ARB2A: variants seen among roughly 807,000 people sequenced by gnomAD.
ARB2A encodes cotranscriptional regulator ARB2A.
At chr5:94,002,449 GT>G in the ARB2A span, among the ~76,000 whole-genome samples, 30 of 145,686 alleles carry the variant, frequency 2.1e-4, no homozygotes, top group Admixed American at 6.9e-4. Context: ...TATAGTTCAG[GT>G]TTTTTTTTTT....
the ARB2A span, among the ~76,000 whole-genome samples, chr5:93,676,719 A>C: frequency 1.3e-5 from 2 of 152,190 alleles, no homozygotes; most frequent in Admixed American, 6.5e-5. Flanking sequence ...ATTCTAATAT[A>C]ATTCTTAAAA....
chr5:93,925,127 T>C, the ARB2A span, among the ~76,000 whole-genome samples: 11 of 152,158 alleles, frequency 7.2e-5, no homozygotes, highest in East Asian at 1.9e-4. Context: ...ACAGTTTAAA[T>C]TGTTATAAAA....
chr5:94,079,513 A>T, the ARB2A span, among the ~76,000 whole-genome samples: 1 of 152,178 alleles, frequency 6.6e-6, no homozygotes, highest in Non-Finnish European at 1.5e-5. Flanking sequence ...CTGACTCCTA[A>T]TTATGAATGA....
At chr5:93,681,243 G>T in the ARB2A span, among the ~76,000 whole-genome samples, 1 of 152,066 alleles carries the variant, frequency 6.6e-6, no homozygotes, top group South Asian at 2.1e-4. Flanking sequence ...ATTCTAACTG[G>T]TCTTCTGAAA....
the ARB2A span, among the ~76,000 whole-genome samples, chr5:93,655,618 C>T: frequency 6.6e-6 from 1 of 152,046 alleles, no homozygotes; most frequent in Admixed American, 6.6e-5. Context: ...AAGAGCAAGA[C>T]ATTTGGTTGG....
chr5:93,691,620 G>C, the ARB2A span, among the ~76,000 whole-genome samples: 1 of 152,056 alleles, frequency 6.6e-6, no homozygotes, highest in Non-Finnish European at 1.5e-5. Context: ...TATTATCCAG[G>C]AGAAATTCCC....
chr5:93,889,777 G>C, the ARB2A span, among the ~76,000 whole-genome samples: 1 of 150,440 alleles, frequency 6.6e-6, no homozygotes, highest in Non-Finnish European at 1.5e-5. Flanking sequence ...ATTCAAAATG[G>C]CTTAAGGTTT....
the ARB2A span, among the ~76,000 whole-genome samples, chr5:93,962,875 A>G: frequency 1.3e-5 from 2 of 152,104 alleles, no homozygotes. Flanking sequence ...ATCAAAGGAT[A>G]ATCAGATCCA....
the ARB2A span, among the ~76,000 whole-genome samples, chr5:93,762,775 G>GA: frequency 6.6e-6 from 1 of 152,122 alleles, no homozygotes; most frequent in Non-Finnish European, 1.5e-5. Flanking sequence ...TGAAATGAAG[G>GA]AAAAAATGTT....
the ARB2A span, among the ~76,000 whole-genome samples, chr5:93,637,354 G>GTTTTTTTTTTTTTT: frequency 7.8e-5 from 9 of 116,094 alleles, no homozygotes; most frequent in Admixed American, 2.0e-4. Flanking sequence ...GGGTTGTTTA[G>GTTTTTTTTTTTTTT]TTTTTTTTTT....
chr5:93,802,766 A>C, the ARB2A span, among the ~76,000 whole-genome samples: 1 of 152,114 alleles, frequency 6.6e-6, no homozygotes, highest in African/African-American at 2.4e-5. Flanking sequence ...TTGGCCATTT[A>C]CAATAAATTC....
chr5:93,908,372 T>C, the ARB2A span, among the ~76,000 whole-genome samples: 1 of 150,818 alleles, frequency 6.6e-6, no homozygotes, highest in Non-Finnish European at 1.5e-5. Context: ...ATATAAACAT[T>C]TAAAAAATAA....
the ARB2A span, among the ~76,000 whole-genome samples, chr5:93,711,414 T>G: frequency 6.6e-6 from 1 of 152,140 alleles, no homozygotes; most frequent in Non-Finnish European, 1.5e-5. Context: ...AAATTTATTT[T>G]CCTATTTTTA....
At chr5:93,684,081 C>A in the ARB2A span, among the ~76,000 whole-genome samples, 1 of 152,084 alleles carries the variant, frequency 6.6e-6, no homozygotes, top group Admixed American at 6.6e-5. Context: ...TAGCAATGAC[C>A]GTGTCAAACT....
chr5:94,080,870 A>C, the ARB2A span, among the ~76,000 whole-genome samples: 9 of 152,284 alleles, frequency 5.9e-5, no homozygotes, highest in East Asian at 1.7e-3. Context: ...ATTCTGTCTC[A>C]GCATCTGCTT....
At chr5:93,796,435 G>C in the ARB2A span, among the ~76,000 whole-genome samples, 2 of 152,192 alleles carry the variant, frequency 1.3e-5, no homozygotes, top group African/African-American at 4.8e-5. Flanking sequence ...ATGTTCTTAA[G>C]ACAGGATGTG....
the ARB2A span, chr5:93,741,409 G>C: frequency 1.2e-6 from 2 of 1,613,370 alleles, no homozygotes; most frequent in Non-Finnish European, 1.7e-6. Context: ...GCAGATCCCT[G>C]GCCTGACTGC....
At chr5:93,803,550 TTGGAGGG>T in the ARB2A span, among the ~76,000 whole-genome samples, 1 of 150,716 alleles carries the variant, frequency 6.6e-6, no homozygotes, top group Non-Finnish European at 1.5e-5. Context: ...CTGGGGCCTA[TTGGAGGG>T]TGGAGGGTGG....
chr5:94,060,496 C>G, the ARB2A span, among the ~76,000 whole-genome samples: 1 of 152,144 alleles, frequency 6.6e-6, no homozygotes, highest in Non-Finnish European at 1.5e-5. Context: ...AGTCTTATGA[C>G]TATTAAAGAA....
Sources: gnomAD v4.1 joint callset for allele counts (sites outside exome capture counted in the v4.1 genomes callset) on GRCh38, gnomAD v4.1.1 for gene constraint, MANE v1.5 for transcripts, NCBI Gene and HGNC (gene_info 2026-07-23, HGNC 2026-07-21) for gene names.